Variants in RALGAPB observed in about 807,000 individuals in gnomAD.
The protein encoded by RALGAPB is ral GTPase-activating protein subunit beta.
In RALGAPB, 25 loss-of-function variants were observed where a neutral mutation model predicts 161.1. The observed-to-expected ratio is 0.16, with a 90% CI of 0.11 to 0.22. The LOEUF is 0.22. Among genes scored for constraint, RALGAPB ranks in the 10% least tolerant of loss-of-function variants. The pLI is 1.00. For missense variants in RALGAPB, 1,391 were observed against 1,815.2 expected, an observed-to-expected ratio of 0.77 and a Z score of 4.25; for synonymous variants, 629 against 626.1, an observed-to-expected ratio of 1.00 and a Z score of -0.07.
chr20:38,505,743 A>G (rs2122998613), intron 5 of RALGAPB, among the ~76,000 whole-genome samples: 1 of 152,318 alleles, frequency 6.6e-6, no homozygotes, highest in East Asian at 1.9e-4. Flanking sequence ...TGAGAAACCA[A>G]AAAAACGTGC....
chr20:38,478,724 C>G (rs1336970159), intron 1 of RALGAPB, among the ~76,000 whole-genome samples: 3 of 152,132 alleles, frequency 2.0e-5, no homozygotes, highest in Non-Finnish European at 4.4e-5. Flanking sequence ...TCAAGTGATT[C>G]TCCTCCCTCA....
chr20:38,482,750 TTATGA>T (rs1247574895), intron 1 of RALGAPB, among the ~76,000 whole-genome samples: 4 of 152,168 alleles, frequency 2.6e-5, no homozygotes, highest in Non-Finnish European at 5.9e-5. Context: ...CTGGTTGTAA[TTATGA>T]TATATATGTT....
intron 25 of RALGAPB, among the ~76,000 whole-genome samples, chr20:38,566,833 A>G (rs1013546074): frequency 6.6e-6 from 1 of 152,260 alleles, no homozygotes; most frequent in Admixed American, 6.5e-5. Context: ...GGCACAAGCC[A>G]AATGCCGCCA....
At chr20:38,524,491 AT>A (rs11086644) in intron 10 of RALGAPB, among the ~76,000 whole-genome samples, 98,412 of 150,892 alleles carry the variant, frequency 0.65, 36,119 homozygotes, top group East Asian at 0.91. Context: ...ACAGACATGA[AT>A]TTTTTTTTTT....
chr20:38,530,891 AT>A (rs35946110), intron 13 of RALGAPB, among the ~76,000 whole-genome samples: 84 of 141,228 alleles, frequency 5.9e-4, no homozygotes, highest in African/African-American at 1.4e-3. Context: ...GTGCCTGGCC[AT>A]TTTTTTTTTT....
At chr20:38,525,747 A>T in intron 12 of RALGAPB, 148 bp from the exon 13 acceptor site, 1 of 874,404 alleles carries the variant, frequency 1.1e-6, no homozygotes, top group Non-Finnish European at 1.7e-6. Flanking sequence ...ATCTATTAAC[A>T]TATTGTTAGT....
intron 16 of RALGAPB, among the ~76,000 whole-genome samples, chr20:38,536,269 T>A (rs2145363945): frequency 6.6e-6 from 1 of 152,328 alleles, no homozygotes; most frequent in Non-Finnish European, 1.5e-5. Context: ...AAATGTAATG[T>A]TTTTGAGTTT....
Position 38,565,370 on chromosome 20 carries a change from T to G in RALGAPB, c.3709T>G (p.Ser1237Ala). Residue 1237 changes from serine to alanine, a missense_variant, in exon 25 of 30, where the codon TCT (serine) becomes GCT (alanine). Around this residue, in one of 3 missense-constraint regions of RALGAPB, gnomAD observed 436 missense variants for 527.0 expected, o/e 0.83. Transcript: ENST00000262879. Reference sequence around the variant, plus strand: ...CTTTTTCCCAGAAGAAGTGATTTCCTCTGAAGATATTGGAGCTAGCATTTT... The same window carrying G: ...CTTTTTCCCAGAAGAAGTGATTTCCGCTGAAGATATTGGAGCTAGCATTTT... ...GEGSQQEVISSEDIGASIFNG... is the reference protein window; with the variant it reads ...GEGSQQEVISAEDIGASIFNG... 1 of 1,613,562 alleles carries G rather than the reference T, an allele frequency of 6.2e-7. No individual in the cohort carries two copies. Among genetic ancestry groups the G allele is most frequent in the Non-Finnish European group, 8.5e-7 (1 of 1,179,658 alleles).
chr20:38,492,382 A>G (rs1176242446), intron 2 of RALGAPB, among the ~76,000 whole-genome samples: 1 of 152,160 alleles, frequency 6.6e-6, no homozygotes, highest in Non-Finnish European at 1.5e-5. Context: ...CCCAGCTTCA[A>G]TCCTTTTTCA....
Position 38,576,677 on chromosome 20 carries a change from T to C in RALGAPB, c.*1710T>C, listed in dbSNP as rs1167507095. 3 of 152,682 alleles carry C rather than the reference T, an allele frequency of 2.0e-5. No individual in the cohort carries two copies. The East Asian group carries it at 5.8e-4, about 29-fold the overall frequency. 9.5% of individuals were successfully genotyped at this position (152,682 alleles called of 1,614,324 possible). ...TGGGAGAGGGCATATAGGATAAAGA[T>C]GAGCAAATTCTACCCTAAAAATGTT... On this transcript the variant is annotated 3_prime_UTR_variant, in exon 30 of 30. Transcript: ENST00000262879.
intron 1 of RALGAPB, among the ~76,000 whole-genome samples, chr20:38,475,242 C>G (rs76412223): frequency 4.7e-4 from 71 of 152,284 alleles, no homozygotes; most frequent in African/African-American, 1.7e-3. Flanking sequence ...TTGGTAAATA[C>G]AAGCAGATGG....
chr20:38,541,378 A>T (rs1468321755), intron 18 of RALGAPB, among the ~76,000 whole-genome samples, 186 bp downstream of exon 18: 1 of 152,172 alleles, frequency 6.6e-6, no homozygotes, highest in Non-Finnish European at 1.5e-5. Flanking sequence ...TGTAGACCAA[A>T]AGAAACTAGG....
intron 1 of RALGAPB, among the ~76,000 whole-genome samples, chr20:38,481,323 G>GA (rs1480587330): frequency 6.6e-6 from 1 of 152,186 alleles, no homozygotes; most frequent in Non-Finnish European, 1.5e-5. Flanking sequence ...TCATGCTGCT[G>GA]ATAAAGACAT....
At chr20:38,475,715 A>G (rs1237880525) in intron 1 of RALGAPB, among the ~76,000 whole-genome samples, 2 of 151,716 alleles carry the variant, frequency 1.3e-5, no homozygotes, top group East Asian at 1.9e-4. Flanking sequence ...CCTGGGTTCA[A>G]ACGATTCTCC....
chr20:38,526,741 T>G (rs960095901), intron 13 of RALGAPB, among the ~76,000 whole-genome samples: 1 of 152,172 alleles, frequency 6.6e-6, no homozygotes, highest in Non-Finnish European at 1.5e-5. Flanking sequence ...TCATAAGGTA[T>G]TTGGTGATTG....
chr20:38,570,676 C>T lies in RALGAPB; in HGVS notation c.4064-93C>T, dbSNP rs2145534218. On this transcript the variant is annotated intron_variant, in intron 27 of 29. Coordinates refer to ENST00000262879, the MANE Select transcript of RALGAPB (RefSeq NM_020336.4). ...CAGCACAGTCCATATATTTGCCACT[C>T]ACTTATGTAAAGCGATTAGAAAATT... is the stretch of plus-strand genomic sequence containing the variant. The T allele has an allele frequency of 1.2e-5, 9 of 752,352 alleles. No individual in the cohort carries two copies. In the South Asian group the frequency reaches 1.5e-4, roughly 12 times the overall value. The allele number at this position is 752,352 out of a possible 1,614,324, so 46.6% of individuals were successfully genotyped here. A position where few individuals can be genotyped will look rare whatever the true frequency, so the allele number is the denominator to read the frequency against.
rs1040719110 is a variant in RALGAPB, at chr20:38,578,275, A to C, written c.*3308A>C. ...GAGTTGGAGAGATTGGAGGTGGTCTATCCGTACGATGTGGAATCAAACGGT... is the reference window on the plus strand; with the variant it reads ...GAGTTGGAGAGATTGGAGGTGGTCTCTCCGTACGATGTGGAATCAAACGGT... On this transcript the variant is annotated 3_prime_UTR_variant, in exon 30 of 30. Transcript: ENST00000262879. 7.2e-5 allele frequency: 11 copies of C among 152,224 alleles called. No homozygotes were observed. Among genetic ancestry groups the C allele is most frequent in the Admixed American group, 2.0e-4 (3 of 15,282 alleles). The allele number at this position is 152,224 out of a possible 1,614,324, so 9.4% of individuals were successfully genotyped here.
chr20:38,552,055 TAC>T (rs1406085451), intron 21 of RALGAPB, among the ~76,000 whole-genome samples: 1 of 151,966 alleles, frequency 6.6e-6, no homozygotes, highest in South Asian at 2.1e-4. Flanking sequence ...GAATAGAAAC[TAC>T]ACTGTTAACA....
intron 6 of RALGAPB, among the ~76,000 whole-genome samples, chr20:38,512,656 G>T (rs766960216): frequency 6.6e-6 from 1 of 152,198 alleles, no homozygotes; most frequent in Non-Finnish European, 1.5e-5. Flanking sequence ...ATTTTCATCG[G>T]AATGCCTCTG....
Sources: gnomAD v4.1 joint callset for allele counts (sites outside exome capture counted in the v4.1 genomes callset) on GRCh38, gnomAD v4.1.1 for gene constraint, gnomAD v4.1.1 regional missense constraint, MANE v1.5 for transcripts, NCBI Gene and HGNC (gene_info 2026-07-23, HGNC 2026-07-21) for gene names.